COL18A1: variants seen among roughly 807,000 people sequenced by gnomAD.
The protein encoded by COL18A1 is collagen type XVIII alpha 1 chain.
In COL18A1, 133 loss-of-function variants were observed where a neutral mutation model predicts 168.0. The ratio of observed to expected loss-of-function variants is 0.79; its 90% CI spans 0.69 to 0.91. The LOEUF is 0.91. COL18A1 is among the 40% of genes least tolerant of loss of function. The pLI is 0.00. For missense variants in COL18A1, 2,126 were observed against 1,925.4 expected (o/e 1.10, Z -1.95); for synonymous variants, 949 against 809.0 (o/e 1.17, Z -2.94).
In COL18A1 at chr21:45,504,556, A is replaced by T; in HGVS notation, c.2868A>T (p.Pro956=). The part of the protein sequence containing the change: ...PPGPRGYPGI[P]GPKGESIRGQ... ...GCCCACGTGGCTACCCTGGGATTCC[A>T]GTAAGTCCCAGCCTGTGCAGGCAGA... Residue 956 remains proline (P), a splice_region_variant and synonymous_variant, in exon 34 of 42, where the codon CCA becomes CCT. Transcript: ENST00000651438. 1 of 1,568,206 alleles carries T rather than the reference A, an allele frequency of 6.4e-7. No individual in the cohort carries two copies.
intron 32 of COL18A1, among the ~76,000 whole-genome samples, chr21:45,503,642 G>A (rs1486958433): frequency 2.5e-5 from 3 of 118,514 alleles, no homozygotes; most frequent in Admixed American, 9.2e-5. Flanking sequence ...GTTGTGGGGT[G>A]GGGGGAGGGG....
In COL18A1 at chr21:45,496,482, T is replaced by C. The variant is rs770868693; in HGVS notation, c.2509-18T>C. The C allele has an allele frequency of 1.5e-5, 18 of 1,180,924 alleles. No individual in the cohort carries two copies. Among genetic ancestry groups the C allele is most frequent in the Non-Finnish European group, 2.3e-5 (18 of 784,870 alleles). The allele number at this position is 1,180,924 out of a possible 1,614,324, so 73.2% of individuals were successfully genotyped here. Reference sequence around the variant, plus strand: ...ACAGGCAGGCCATAAGCCTAACAGCTCTCTGCCCTCCCCACAGGGAATGCC... The same window carrying C: ...ACAGGCAGGCCATAAGCCTAACAGCCCTCTGCCCTCCCCACAGGGAATGCC... On this transcript the variant is annotated intron_variant, in intron 29 of 41. Transcript: ENST00000651438.
rs772661131 is a variant in COL18A1, at chr21:45,480,805, G to A, written c.1558G>A (p.Gly520Ser). The change falls in exon 13 of 42, where the codon GGC becomes AGC. Residue 520 changes from glycine (G) to serine (S), a missense_variant. Transcript: ENST00000651438. Reference protein sequence around the residue: ...VNSSDVPGPAGLPGVPGREGP... With the variant: ...VNSSDVPGPASLPGVPGREGP... The stretch of plus-strand genomic sequence containing the variant: ...CAGCTCCGACGTCCCAGGACCCGCC[G>A]GCCTTCCTGGTGTGCCTGGGCGCGA... 12 of 1,611,664 alleles carry A rather than the reference G, an allele frequency of 7.4e-6. No individual in the cohort carries two copies. Among genetic ancestry groups the A allele is most frequent in the South Asian group, 1.1e-5 (1 of 91,016 alleles).
At chr21:45,503,764 T>C (rs1238479511) in intron 32 of COL18A1, among the ~76,000 whole-genome samples, 1 of 151,898 alleles carries the variant, frequency 6.6e-6, no homozygotes, top group South Asian at 2.1e-4. Flanking sequence ...CATGCACATG[T>C]ACCCTAAAAC....
At position 45,494,843 on chromosome 21, in the gene COL18A1, GGC is replaced by G. The variant is rs1369728581; in HGVS notation, c.2380-18_2380-17del. ...GGCCAGGGTCTGCCCCACTAAGCCTGGCCCCCTTCCTCTTGCAGGGTCCATAC... is the reference window on the plus strand; with the variant it reads ...GGCCAGGGTCTGCCCCACTAAGCCTGCCCCTTCCTCTTGCAGGGTCCATAC... On this transcript the variant is annotated splice_polypyrimidine_tract_variant and intron_variant, in intron 27 of 41. Coordinates refer to ENST00000651438, the MANE Select transcript of COL18A1 (RefSeq NM_001379500.1). 3.1e-6 allele frequency: 5 copies of G among 1,603,344 alleles called. No individual in the cohort carries two copies. The highest frequency in any genetic ancestry group is 4.3e-6 in the Non-Finnish European group (5 of 1,175,448).
chr21:45,509,477 G>A lies in COL18A1; in HGVS notation c.3371G>A (p.Ser1124Asn), dbSNP rs2037442395. Reference protein sequence around the residue: ...RPWRADDILASPPRLPEPQPY... With the variant: ...RPWRADDILANPPRLPEPQPY... ...TGGCGGGCAGATGACATCCTGGCCA[G>A]CCCCCCTCGCCTGCCCGAGCCCCAG... The change falls in exon 39 of 42, where the codon AGC becomes AAC. Residue 1124 changes from serine (S) to asparagine (N), a missense_variant. Transcript: ENST00000651438. The A allele has an allele frequency of 9.2e-6, 14 of 1,525,774 alleles. No individual in the cohort carries two copies. Among genetic ancestry groups the A allele is most frequent in the Admixed American group, 1.9e-5 (1 of 52,340 alleles). 94.5% of individuals were successfully genotyped at this position (1,525,774 alleles called of 1,614,324 possible). A position where few individuals can be genotyped will look rare whatever the true frequency, so the allele number is the denominator to read the frequency against.
chr21:45,495,208 G>C, intron 28 of COL18A1, 150 bp from the exon 29 acceptor site: 1 of 721,958 alleles, frequency 1.4e-6, no homozygotes, highest in South Asian at 1.6e-5. Context: ...AAAGGGGTGA[G>C]AAGGGCCGGG....
At position 45,505,671 on chromosome 21, in the gene COL18A1, C is replaced by A. The variant is rs28547269; in HGVS notation, c.3088-167C>A. Among the ~76,000 whole-genome samples the A allele has an allele frequency of 0.53, 80,683 of 151,990 alleles. 22,460 individuals are homozygous for A. Among genetic ancestry groups the A allele is most frequent in the African/African-American group, 0.71 (29,587 of 41,464 alleles). Reference sequence around the variant, plus strand: ...TTGTCCACGGAGGCGCAGGAGCTGGCGGCAGGCAGGGGTCCCCATGGTGCT... The same window carrying A: ...TTGTCCACGGAGGCGCAGGAGCTGGAGGCAGGCAGGGGTCCCCATGGTGCT... On this transcript the variant is annotated intron_variant, in intron 36 of 41. Transcript: ENST00000651438.
chr21:45,436,334 C>G (rs770536720), intron 2 of COL18A1, among the ~76,000 whole-genome samples: 14 of 152,320 alleles, frequency 9.2e-5, no homozygotes, highest in Middle Eastern at 6.8e-3. Flanking sequence ...ACCCGGGGCC[C>G]ATCCAGCGTG....
At chr21:45,452,007 A>C (rs1602411366) in intron 2 of COL18A1, among the ~76,000 whole-genome samples, 1 of 152,064 alleles carries the variant, frequency 6.6e-6, no homozygotes, top group South Asian at 2.1e-4. Context: ...GGCCGCACTC[A>C]CCCCAGGAGG....
intron 26 of COL18A1, 193 bp downstream of exon 26, chr21:45,493,768 C>T: frequency 1.7e-6 from 1 of 596,886 alleles, no homozygotes; most frequent in Non-Finnish European, 3.0e-6. Flanking sequence ...GGCCCCTCGT[C>T]CTCTCCCTGC....
rs139382300 is a variant in COL18A1 at position 45,463,293 on chromosome 21, C to T, written c.107-4949C>T. ...AGGGTCCTTTTTGCCGTCCTGTTTC[C>T]CACAAGCTGTGTGGCTGCTGCTCCA... On this transcript the variant is annotated intron_variant, in intron 2 of 41. Transcript: ENST00000651438. This position sits in a 1 kb window ranked among gnomAD's most constrained non-coding sequence, Gnocchi z 4.0. Among the ~76,000 whole-genome samples the T allele has an allele frequency of 0.023, 3,496 of 152,326 alleles. 58 individuals carry two copies. The highest frequency in any genetic ancestry group is 0.058 in the Middle Eastern group (17 of 294).
chr21:45,507,034 A>T, intron 37 of COL18A1: 1 of 312,586 alleles, frequency 3.2e-6, no homozygotes, highest in East Asian at 7.7e-5. Context: ...AGGAGGAGGC[A>T]GGGGATGGCA....
At chr21:45,502,276 G>A (rs2146051127) in intron 32 of COL18A1, among the ~76,000 whole-genome samples, 1 of 152,354 alleles carries the variant, frequency 6.6e-6, no homozygotes, top group South Asian at 2.1e-4. Flanking sequence ...GGGTGAGGTG[G>A]TCCCCACCCC....
chr21:45,426,925 G>A (rs1221230164), intron 2 of COL18A1, among the ~76,000 whole-genome samples: 2 of 152,206 alleles, frequency 1.3e-5, no homozygotes, highest in African/African-American at 4.8e-5. Context: ...GAGGGGAGGG[G>A]ATGCGGGGGT....
chr21:45,495,333 C>G, intron 28 of COL18A1, 25 bp from the exon 29 acceptor site: 1 of 1,587,666 alleles, frequency 6.3e-7, no homozygotes, highest in Non-Finnish European at 8.6e-7. Context: ...GCCCAGCAGT[C>G]CCCACCCCCT....
chr21:45,471,095 C>T lies in COL18A1; in HGVS notation c.651+2309C>T, dbSNP rs1339482567. On this transcript the variant is annotated intron_variant, in intron 3 of 41. Transcript: ENST00000651438. This position sits in a 1 kb window ranked among gnomAD's most constrained non-coding sequence, Gnocchi z 4.4. ...TGGGCCTGGGTGGCGCGCTACGGGC[C>T]GTGTGCTGCTGGGCCTGGGTGGCGC... Among the ~76,000 whole-genome samples, 16 of 128,462 alleles carry T rather than the reference C, an allele frequency of 1.2e-4. No individual in the cohort carries two copies. Among genetic ancestry groups the T allele is most frequent in the Admixed American group, 9.0e-4 (12 of 13,270 alleles). The allele number at this position is 128,462 out of a possible 152,430, so 84.3% of individuals were successfully genotyped here.
chr21:45,421,413 GC>G (rs746310565), intron 2 of COL18A1: 1 of 534,280 alleles, frequency 1.9e-6, no homozygotes, highest in South Asian at 1.4e-5. Context: ...GCCAGAGTCC[GC>G]CCGTGTGGAA....
chr21:45,474,618 C>T (rs1044436310), intron 4 of COL18A1, among the ~76,000 whole-genome samples: 5 of 152,038 alleles, frequency 3.3e-5, no homozygotes, highest in Admixed American at 1.3e-4. Flanking sequence ...CACGTGGTAC[C>T]CAAGGGGAGA....
Sources: gnomAD v4.1 joint callset for allele counts (sites outside exome capture counted in the v4.1 genomes callset) on GRCh38, gnomAD v4.1.1 for gene constraint, Gnocchi (gnomAD v3.1) non-coding constraint, MANE v1.5 for transcripts, NCBI Gene and HGNC (gene_info 2026-07-23, HGNC 2026-07-21) for gene names.